The following SEPTIN4 variants were observed in gnomAD, a reference collection of about 807,000 sequenced individuals.
SEPTIN4 encodes the protein septin-4.
Under a neutral mutation model 107.1 loss-of-function variants are expected in SEPTIN4, and 52 were observed. The observed-to-expected ratio is 0.49, with a 90% CI of 0.39 to 0.61. The LOEUF is 0.61. Ranked by LOEUF, SEPTIN4 falls within the 20% of genes least tolerant of loss-of-function variation. SEPTIN4 has a pLI of 0.00. For synonymous variants in SEPTIN4, 417 were observed against 467.0 expected (o/e 0.89, Z 1.38); for missense variants, 1,048 against 1,243.5 (o/e 0.84, Z 2.36).
intron 3 of SEPTIN4, among the ~76,000 whole-genome samples, chr17:58,537,288 G>T (rs1408741395): frequency 6.6e-6 from 1 of 152,224 alleles, no homozygotes; most frequent in Non-Finnish European, 1.5e-5. Context: ...GTCCTGGTCT[G>T]CCCAGGATTG....
At chr17:58,532,005 C>A in intron 3 of SEPTIN4, 1 of 1,138,434 alleles carries the variant, frequency 8.8e-7, no homozygotes, top group Non-Finnish European at 1.1e-6. Flanking sequence ...GGACAGCGCC[C>A]GAGCGACCCG....
At chr17:58,520,526 G>A in intron 13 of SEPTIN4, 41 bp from the exon 14 acceptor site, 2 of 1,610,278 alleles carry the variant, frequency 1.2e-6, no homozygotes, top group Non-Finnish European at 1.7e-6. Context: ...CTTTTGGAGA[G>A]TCCTTTAGTA....
In SEPTIN4 at chr17:58,521,194, T is replaced by A; in HGVS notation, c.2669-34A>T. 3 of 1,614,124 alleles carry A rather than the reference T, an allele frequency of 1.9e-6. No individual in the cohort carries two copies. The highest frequency in any genetic ancestry group is 2.5e-6 in the Non-Finnish European group (3 of 1,179,988). On this transcript the variant is annotated intron_variant, in intron 11 of 13. Coordinates refer to ENST00000672673, the MANE Select transcript of SEPTIN4 (RefSeq NM_001368771.2). The surrounding 1 kb of genome is among the most constrained non-coding windows in gnomAD (Gnocchi z 6.4). The stretch of plus-strand genomic sequence containing the variant: ...CAAGGCTAGGGGTCAGCCAGAGGCA[T>A]AGGTAGGGGAGAGCCACTGAGGGCA...
chr17:58,527,215 C>A (rs1473762403), intron 3 of SEPTIN4: 1 of 776,608 alleles, frequency 1.3e-6, no homozygotes, highest in African/African-American at 1.7e-5. Flanking sequence ...CAGGAAGAGC[C>A]CTGGGCACCC....
intron 3 of SEPTIN4, chr17:58,531,978 CG>C: frequency 8.7e-7 from 1 of 1,146,124 alleles, no homozygotes; most frequent in Middle Eastern, 3.6e-4. Flanking sequence ...GCAGCCCGGG[CG>C]GGGCCGGCTC....
intron 3 of SEPTIN4, chr17:58,528,001 TCTC>T (rs764363376): frequency 5.5e-5 from 54 of 985,238 alleles, no homozygotes; most frequent in Non-Finnish European, 6.0e-5. Context: ...CCCTAAAGAT[TCTC>T]CTCTCCTTTG....
chr17:58,520,636 G>A (rs2042160818), intron 13 of SEPTIN4, 107 bp downstream of exon 13: 3 of 1,533,298 alleles, frequency 2.0e-6, no homozygotes, highest in Non-Finnish European at 9.0e-7. Flanking sequence ...GACCTATCCA[G>A]GACCCAAATA....
chr17:58,528,948 G>C (rs1015429741), intron 3 of SEPTIN4, among the ~76,000 whole-genome samples: 2 of 152,166 alleles, frequency 1.3e-5, no homozygotes, highest in African/African-American at 4.8e-5. Flanking sequence ...GGGGCCACAG[G>C]GGCTCTAGAC....
In SEPTIN4 at chr17:58,538,763, T is replaced by C. The variant is rs1254805539; in HGVS notation, c.1614+1903A>G. Among the ~76,000 whole-genome samples, 2 of 152,150 alleles carry C rather than the reference T, an allele frequency of 1.3e-5. No individual in the cohort carries two copies. Among genetic ancestry groups the C allele is most frequent in the African/African-American group, 4.8e-5 (2 of 41,432 alleles). On this transcript the variant is annotated intron_variant, in intron 3 of 13. Transcript: ENST00000672673. The surrounding 1 kb of genome is among the most constrained non-coding windows in gnomAD (Gnocchi z 4.7). ...ACCCCATTCCTTAGACAAAAGGGCT[T>C]TGAGGGGCCATTTGGGAAGGGACTG...
Position 58,521,002 on chromosome 17 carries a change from G to T in SEPTIN4, c.2827C>A (p.Arg943Ser), listed in dbSNP as rs770671562. ...MTRLVVKERN[R>S]NKLTRESGTD... ...TGTCCTGGCTTCTGGTCATACTTGCGATTCCGTTCCTTCACCACCAGGCGG... is the reference window on the plus strand; with the variant it reads ...TGTCCTGGCTTCTGGTCATACTTGCTATTCCGTTCCTTCACCACCAGGCGG... The change falls in exon 12 of 14, where the codon CGC becomes AGC. Residue 943 changes from arginine to serine, a missense_variant. Physicochemically the swap from Arg to Ser is moderately radical, Grantham distance 110 (BLOSUM62 -1). Around this residue, in one of 2 missense-constraint regions of SEPTIN4, gnomAD observed 261 missense variants for 371.7 expected, o/e 0.70. Transcript: ENST00000672673. The surrounding 1 kb of genome is among the most constrained non-coding windows in gnomAD (Gnocchi z 6.4). 1 of 1,614,014 alleles carries T rather than the reference G, an allele frequency of 6.2e-7. No individual in the cohort carries two copies. Among genetic ancestry groups the T allele is most frequent in the Non-Finnish European group, 8.5e-7 (1 of 1,180,008 alleles).
intron 3 of SEPTIN4, among the ~76,000 whole-genome samples, chr17:58,532,690 C>T (rs941507905): frequency 2.6e-5 from 4 of 152,152 alleles, no homozygotes; most frequent in African/African-American, 7.2e-5. Context: ...TTTAACAGGG[C>T]GGTGTAGCCT....
intron 3 of SEPTIN4, among the ~76,000 whole-genome samples, chr17:58,536,920 G>C (rs916721768): frequency 3.9e-5 from 6 of 152,134 alleles, no homozygotes; most frequent in African/African-American, 1.4e-4. Flanking sequence ...ATCTACCCAG[G>C]CCCACTGTTT....
chr17:58,537,905 T>C (rs1290657695), intron 3 of SEPTIN4, among the ~76,000 whole-genome samples: 2 of 150,744 alleles, frequency 1.3e-5, no homozygotes, highest in African/African-American at 4.9e-5. Flanking sequence ...TTTCAACAAT[T>C]CTTTCTTCTC....
In SEPTIN4 at chr17:58,543,946, C is replaced by CA; in HGVS notation, c.240dup (p.Ala81CysfsTer44). ...TCGGGTCCCCGAGGAGTGGGTACTGCATAGTGTCCAGGTCCTGACTGGAGG... is the reference window on the plus strand; with the variant it reads ...TCGGGTCCCCGAGGAGTGGGTACTGCAATAGTGTCCAGGTCCTGACTGGAGG... On this transcript the variant is annotated frameshift_variant, in exon 1 of 14. Transcript: ENST00000672673. LOFTEE classifies it high-confidence loss of function. The CA allele has an allele frequency of 1.9e-6, 3 of 1,613,938 alleles. No individual in the cohort carries two copies. Among genetic ancestry groups the CA allele is most frequent in the Non-Finnish European group, 2.5e-6 (3 of 1,179,940 alleles).
Position 58,543,052 on chromosome 17 carries a change from GT to G in SEPTIN4, c.1134del (p.Lys378AsnfsTer31), listed in dbSNP as rs2043925113. The stretch of plus-strand genomic sequence containing the variant: ...TGGGACATGTAAGTAATTTCTGGGG[GT>G]TTTTGGGTTTGCTGTTTATAGATGG... The part of the protein sequence containing the change: ...PEPIYKQQTQ[K>X]PPEITYMSQG... On this transcript the variant is annotated frameshift_variant, in exon 1 of 14. Coordinates refer to ENST00000672673, the MANE Select transcript of SEPTIN4 (RefSeq NM_001368771.2). LOFTEE classifies it high-confidence loss of function. 6.2e-7 allele frequency: 1 copy of G among 1,611,402 alleles called. No individual in the cohort carries two copies. Among genetic ancestry groups the G allele is most frequent in the South Asian group, 1.1e-5 (1 of 90,648 alleles).
rs778684597 is a variant in SEPTIN4, at chr17:58,525,789, G to A, written c.2006-8C>T. ...TGCCCAGGCCAGACTCTCCTGAGAG[G>A]AGAGAGGACAGAGGCACCAAATCAG... On this transcript the variant is annotated splice_region_variant and splice_polypyrimidine_tract_variant and intron_variant, in intron 5 of 13. Transcript: ENST00000672673. The A allele has an allele frequency of 8.1e-6, 13 of 1,611,570 alleles. 1 individual carries two copies. In the South Asian group the frequency reaches 9.9e-5, roughly 12 times the overall value.
intron 3 of SEPTIN4, among the ~76,000 whole-genome samples, chr17:58,533,979 A>T (rs2043624486): frequency 6.6e-6 from 1 of 152,138 alleles, no homozygotes; most frequent in South Asian, 2.1e-4. Flanking sequence ...CTGAATTCCA[A>T]GTGTGGACAC....
chr17:58,524,928 G>C, intron 7 of SEPTIN4, 150 bp downstream of exon 7: 1 of 890,722 alleles, frequency 1.1e-6, no homozygotes, highest in Non-Finnish European at 1.8e-6. Flanking sequence ...TTATAAAGGA[G>C]GAGATGGCTG....
At chr17:58,529,539 GC>G in intron 3 of SEPTIN4, 1 of 650,304 alleles carries the variant, frequency 1.5e-6, no homozygotes, top group Non-Finnish European at 1.9e-6. Flanking sequence ...TCTGTTTGCA[GC>G]CAGGCTTTTG....
Sources: gnomAD v4.1 joint callset for allele counts (sites outside exome capture counted in the v4.1 genomes callset) on GRCh38, gnomAD v4.1.1 for gene constraint, gnomAD v4.1.1 regional missense constraint, Gnocchi (gnomAD v3.1) non-coding constraint, MANE v1.5 for transcripts, NCBI Gene and HGNC (gene_info 2026-07-23, HGNC 2026-07-21) for gene names.